CDK18: variants seen among roughly 807,000 people sequenced by gnomAD.
The protein encoded by CDK18 is cyclin dependent kinase 18.
CDK18 carries 52 observed loss-of-function variants against 62.0 expected under a neutral mutation model. That is an observed-to-expected ratio of 0.84 (90% confidence interval 0.67 to 1.06). CDK18 has a LOEUF of 1.06. Among genes scored for constraint, CDK18 ranks in the 50% least tolerant of loss-of-function variants. The probability of loss-of-function intolerance (pLI) is 0.00; values close to 1 mark genes in which losing one functional copy is unlikely to be tolerated. For synonymous variants in CDK18, 237 were observed against 247.0 expected (o/e 0.96, Z 0.38); for missense variants, 604 against 619.9 (o/e 0.97, Z 0.27).
Position 205,516,798 on chromosome 1 carries a change from G to C in CDK18, c.-21-6349G>C, listed in dbSNP as rs964687352. 6.6e-6 allele frequency: 1 copy of C among 152,326 alleles called. No homozygotes were observed. The highest frequency in any genetic ancestry group is 6.5e-5 in the Admixed American group (1 of 15,284). 9.4% of individuals were successfully genotyped at this position (152,326 alleles called of 1,614,324 possible). A position where few individuals can be genotyped will look rare whatever the true frequency, so the allele number is the denominator to read the frequency against. ...GACGAAGGGGCCCCAGATCTTGAAG[G>C]GCCTTTGGGTGCAGGCTGGGGAATC... is the stretch of plus-strand genomic sequence containing the variant. On this transcript the variant is annotated intron_variant, in intron 1 of 15. Coordinates refer to ENST00000429964, the MANE Select transcript of CDK18 (RefSeq NM_212502.3). This position sits in a 1 kb window ranked among gnomAD's most constrained non-coding sequence, Gnocchi z 4.8.
Position 205,529,627 on chromosome 1 carries a change from G to T in CDK18, c.1221+64G>T, listed in dbSNP as rs550184842. On this transcript the variant is annotated intron_variant, in intron 13 of 15. Coordinates refer to ENST00000429964, the MANE Select transcript of CDK18 (RefSeq NM_212502.3). ...AAAGAGCCAGGTCCCTGTGCCCCAT[G>T]CCGGGCCTACGCCCCAACTTCTGTG... 23 of 1,611,986 alleles carry T rather than the reference G, an allele frequency of 1.4e-5. No individual in the cohort carries two copies. In the African/African-American group the frequency reaches 2.9e-4, roughly 21 times the overall value.
Position 205,523,281 on chromosome 1 carries a change from C to T in CDK18, c.114C>T (p.His38=), listed in dbSNP as rs138419771. ...AEFTEQFNQL[H]NRRNENLQLG... is the part of the protein sequence containing the mutation. ...TCACGGAGCAATTCAACCAGCTCCA[C>T]AACCGGCGGAATGAGAGTGAGGGGT... is the stretch of plus-strand genomic sequence containing the variant. The change falls in exon 2 of 16, where the codon CAC becomes CAT. Residue 38 remains histidine, a synonymous_variant. Transcript: ENST00000429964. 1.9e-6 allele frequency: 3 copies of T among 1,614,042 alleles called. No homozygotes were observed. In the African/African-American group the frequency reaches 4.0e-5, roughly 22 times the overall value.
chr1:205,507,152 C>T (rs1667346568), intron 1 of CDK18, among the ~76,000 whole-genome samples: 1 of 152,160 alleles, frequency 6.6e-6, no homozygotes, highest in Non-Finnish European at 1.5e-5. Flanking sequence ...ATCTACCTGT[C>T]CTCTGATTCC....
chr1:205,523,191 C>G lies in CDK18; in HGVS notation c.24C>G (p.Asn8Lys). Reference protein sequence around the residue: MIMNKMKNFKRRFSLSVP... With the variant: MIMNKMKKFKRRFSLSVP... The stretch of plus-strand genomic sequence containing the variant: ...TCATGATCATGAACAAGATGAAGAA[C>G]TTTAAGCGCCGTTTCTCCCTGTCAG... The change falls in exon 2 of 16, where the codon AAC (asparagine) becomes AAG (lysine). Residue 8 changes from asparagine to lysine, a missense_variant. Coordinates refer to ENST00000429964, the MANE Select transcript of CDK18 (RefSeq NM_212502.3). The G allele has an allele frequency of 6.2e-7, 1 of 1,613,122 alleles. No homozygotes were observed. Among genetic ancestry groups the G allele is most frequent in the Non-Finnish European group, 8.5e-7 (1 of 1,179,386 alleles).
intron 1 of CDK18, among the ~76,000 whole-genome samples, chr1:205,510,715 C>T (rs899604233): frequency 1.3e-5 from 2 of 152,280 alleles, no homozygotes; most frequent in Non-Finnish European, 2.9e-5. Flanking sequence ...TGCCCTGTCA[C>T]CCTCAGTGGC....
chr1:205,507,167 G>C (rs115567273), intron 1 of CDK18, among the ~76,000 whole-genome samples: 197 of 152,222 alleles, frequency 1.3e-3, no homozygotes, highest in African/African-American at 4.6e-3. Flanking sequence ...GATTCCTTCT[G>C]TTCTTCTCTA....
chr1:205,525,282 C>T lies in CDK18; in HGVS notation c.456+87C>T, dbSNP rs1479448733. The T allele has an allele frequency of 6.3e-6, 6 of 953,844 alleles. No individual in the cohort carries two copies. The East Asian group carries it at 7.8e-5, about 12-fold the overall frequency. 59.1% of individuals were successfully genotyped at this position (953,844 alleles called of 1,614,324 possible). On this transcript the variant is annotated intron_variant, in intron 5 of 15. Transcript: ENST00000429964. ...ACCTCCCTAGTCGGCCCTCTCTGGTCGGCCCTCTCTGGTTGGCCCTCTCCT... is the reference window on the plus strand; with the variant it reads ...ACCTCCCTAGTCGGCCCTCTCTGGTTGGCCCTCTCTGGTTGGCCCTCTCCT...
chr1:205,524,503 C>A, intron 4 of CDK18, 146 bp downstream of exon 4: 1 of 822,908 alleles, frequency 1.2e-6, no homozygotes. Context: ...GTGCATTCAA[C>A]TAGCTCGTCC....
intron 1 of CDK18, among the ~76,000 whole-genome samples, chr1:205,520,894 A>ATTC (rs915160907): frequency 4.6e-5 from 7 of 151,854 alleles, no homozygotes; most frequent in African/African-American, 1.7e-4. Context: ...TGCTATACAC[A>ATTC]AGTGTGAGGC....
In CDK18 at chr1:205,528,121, C is replaced by G. The variant is rs371519112; in HGVS notation, c.927C>G (p.Pro309=). 6.2e-7 allele frequency: 1 copy of G among 1,614,044 alleles called. No individual in the cohort carries two copies. Among genetic ancestry groups the G allele is most frequent in the African/African-American group, 1.3e-5 (1 of 75,008 alleles). Residue 309 remains proline (P), a synonymous_variant, in exon 10 of 16, where the codon CCC becomes CCG. Coordinates refer to ENST00000429964, the MANE Select transcript of CDK18 (RefSeq NM_212502.3). The surrounding 1 kb of genome is among the most constrained non-coding windows in gnomAD (Gnocchi z 4.2). The part of the protein sequence containing the change: ...NEVVTLWYRP[P]DVLLGSTEYS... Reference sequence around the variant, plus strand: ...TGGTGACCCTGTGGTACAGGCCCCCCGATGTGCTGCTGGGATCCACAGAGT... The same window carrying G: ...TGGTGACCCTGTGGTACAGGCCCCCGGATGTGCTGCTGGGATCCACAGAGT...
chr1:205,509,765 T>C (rs1424657282), intron 1 of CDK18, among the ~76,000 whole-genome samples: 3 of 151,980 alleles, frequency 2.0e-5, no homozygotes, highest in African/African-American at 7.3e-5. Flanking sequence ...AGCCCCCAAA[T>C]TGGGAAGAGA....
intron 1 of CDK18, 163 bp from the exon 2 acceptor site, chr1:205,522,984 C>A: frequency 1.5e-6 from 1 of 682,032 alleles, no homozygotes; most frequent in Non-Finnish European, 2.4e-6. Flanking sequence ...TGAACACCCA[C>A]CCTCAGAGGG....
intron 13 of CDK18, chr1:205,529,852 T>G: frequency 3.7e-6 from 5 of 1,346,870 alleles, no homozygotes; most frequent in Non-Finnish European, 4.9e-6. Flanking sequence ...ATACCTATTT[T>G]ATAAGATGGC....
chr1:205,527,819 G>A lies in CDK18; in HGVS notation c.755G>A (p.Gly252Asp), dbSNP rs1234205001. 1.9e-6 allele frequency: 3 copies of A among 1,613,880 alleles called. No homozygotes were observed. The highest frequency in any genetic ancestry group is 2.5e-6 in the Non-Finnish European group (3 of 1,179,922). The change falls in exon 9 of 16, where the codon GGC becomes GAC. Residue 252 changes from glycine to aspartate, a missense_variant. Coordinates refer to ENST00000429964, the MANE Select transcript of CDK18 (RefSeq NM_212502.3). The surrounding 1 kb of genome is among the most constrained non-coding windows in gnomAD (Gnocchi z 4.1). ...ATTTTCATGTTCCAGCTGCTCCGGG[G>A]CCTCGCCTACTGTCACCACCGCAAG... is the stretch of plus-strand genomic sequence containing the variant. ...VKIFMFQLLR[G>D]LAYCHHRKIL...
chr1:205,529,139 C>T (rs761245100), intron 11 of CDK18, 43 bp downstream of exon 11: 2 of 1,501,382 alleles, frequency 1.3e-6, no homozygotes, highest in South Asian at 2.4e-5. Context: ...CCAGGGGGCG[C>T]CGGAACTCCT....
At chr1:205,513,651 C>T (rs1029217361) in intron 1 of CDK18, among the ~76,000 whole-genome samples, 2 of 152,242 alleles carry the variant, frequency 1.3e-5, no homozygotes, top group East Asian at 1.9e-4. Context: ...AACATCTGAG[C>T]CTGAGTAGTG....
intron 1 of CDK18, among the ~76,000 whole-genome samples, chr1:205,521,778 G>A (rs1204344941): frequency 1.3e-5 from 2 of 152,256 alleles, no homozygotes; most frequent in African/African-American, 2.4e-5. Flanking sequence ...TGATCATTAA[G>A]CAAAGCCAAC....
At chr1:205,510,666 C>A (rs1418469056) in intron 1 of CDK18, among the ~76,000 whole-genome samples, 4 of 152,238 alleles carry the variant, frequency 2.6e-5, no homozygotes, top group African/African-American at 9.6e-5. Context: ...CCCTTCCAAC[C>A]CTGCACAAAG....
rs941349926 is a variant in CDK18, at chr1:205,531,641, G to T, written c.*263G>T. 2.6e-5 allele frequency: 13 copies of T among 493,274 alleles called. No individual in the cohort carries two copies. Among genetic ancestry groups the T allele is most frequent in the East Asian group, 2.3e-4 (6 of 26,504 alleles). The allele number at this position is 493,274 out of a possible 1,614,324, so 30.6% of individuals were successfully genotyped here. On this transcript the variant is annotated 3_prime_UTR_variant, in exon 16 of 16. Transcript: ENST00000429964. ...GCTGCTTCCCTGAGAGGACATGAGG[G>T]GGGGGCGGTCCTCGTACCCTCTCCC...
Sources: allele counts gnomAD v4.1 joint callset (sites outside exome capture counted in the v4.1 genomes callset), GRCh38; gene constraint gnomAD v4.1.1; non-coding constraint Gnocchi (gnomAD v3.1); transcripts MANE v1.5; gene names NCBI Gene and HGNC (gene_info 2026-07-23, HGNC 2026-07-21).